UNC13C: variants seen among roughly 807,000 people sequenced by gnomAD.
UNC13C encodes the protein unc-13 homolog C.
A neutral mutation model predicts 245.4 loss-of-function variants in UNC13C; 174 were observed. The observed-to-expected ratio is 0.71, with a 90% CI of 0.63 to 0.80. The LOEUF (loss-of-function observed/expected upper bound fraction) is 0.80, where lower values mean the gene tolerates loss of function less well. Ranked by LOEUF, UNC13C falls within the 30% of genes least tolerant of loss-of-function variation. The pLI, the probability that UNC13C is intolerant of heterozygous loss-of-function variation, is 0.00. For synonymous variants in UNC13C, 992 were observed against 895.1 expected, an observed-to-expected ratio of 1.11 and a Z score of -1.93; for missense variants, 2,829 against 2,602.9, an observed-to-expected ratio of 1.09 and a Z score of -1.89.
At chr15:54,589,611 C>A (rs1296550911) in intron 30 of UNC13C, among the ~76,000 whole-genome samples, 1 of 151,958 alleles carries the variant, frequency 6.6e-6, no homozygotes, top group East Asian at 1.9e-4. Context: ...ATTTGTGTAT[C>A]TTCTTTTGAG....
chr15:54,544,335 A>T (rs1596543062), intron 26 of UNC13C, among the ~76,000 whole-genome samples: 1 of 152,160 alleles, frequency 6.6e-6, no homozygotes, highest in Non-Finnish European at 1.5e-5. Flanking sequence ...CCCACAGCCA[A>T]TATCATACTG....
intron 4 of UNC13C, among the ~76,000 whole-genome samples, chr15:54,184,347 A>G (rs1247699136): frequency 6.6e-6 from 1 of 151,942 alleles, no homozygotes; most frequent in Non-Finnish European, 1.5e-5. Context: ...TACATGTGCC[A>G]TGTTGGTGTG....
chr15:54,607,851 C>A (rs1596664894), intron 30 of UNC13C, among the ~76,000 whole-genome samples: 1 of 152,160 alleles, frequency 6.6e-6, no homozygotes, highest in Non-Finnish European at 1.5e-5. Flanking sequence ...GATCCAATCA[C>A]CTCCCACCCG....
intron 27 of UNC13C, 92 bp downstream of exon 27, chr15:54,546,937 C>A: frequency 8.6e-7 from 1 of 1,164,002 alleles, no homozygotes; most frequent in Non-Finnish European, 1.2e-6. Flanking sequence ...CTAATTAAAT[C>A]CCTTTGGGGA....
intron 11 of UNC13C, among the ~76,000 whole-genome samples, chr15:54,297,521 T>TA (rs59007114): frequency 0.025 from 3,662 of 146,476 alleles, 78 homozygotes; most frequent in East Asian, 0.077. Context: ...CCTGCCTAAT[T>TA]AAAAAAAAAA....
At chr15:54,610,994 G>T (rs1488994331) in intron 30 of UNC13C, among the ~76,000 whole-genome samples, 2 of 152,072 alleles carry the variant, frequency 1.3e-5, no homozygotes, top group African/African-American at 4.8e-5. Context: ...TTTAATCTTG[G>T]CATAACTTCG....
At chr15:54,152,368 G>A (rs2032559009) in intron 4 of UNC13C, among the ~76,000 whole-genome samples, 1 of 152,090 alleles carries the variant, frequency 6.6e-6, no homozygotes, top group African/African-American at 2.4e-5. Context: ...GTATTGTATT[G>A]AAACACATTT....
intron 24 of UNC13C, among the ~76,000 whole-genome samples, chr15:54,517,350 C>A (rs770866843): frequency 3.9e-5 from 6 of 152,098 alleles, no homozygotes; most frequent in Non-Finnish European, 7.4e-5. Flanking sequence ...AAAAGTTCTT[C>A]GTATTTAGTT....
the UNC13C span, among the ~76,000 whole-genome samples, chr15:53,960,027 G>A: frequency 2.0e-5 from 3 of 152,258 alleles, no homozygotes; most frequent in East Asian, 5.8e-4. Context: ...ACAGTTTACA[G>A]TTAAAAATAA....
intron 18 of UNC13C, among the ~76,000 whole-genome samples, chr15:54,408,693 A>T (rs1017601694): frequency 6.6e-6 from 1 of 152,124 alleles, no homozygotes; most frequent in African/African-American, 2.4e-5. Context: ...TGACTCCCCA[A>T]CCTAAGCTTT....
At chr15:54,022,839 C>A (rs1340402301) in intron 2 of UNC13C, among the ~76,000 whole-genome samples, 1 of 152,246 alleles carries the variant, frequency 6.6e-6, no homozygotes, top group East Asian at 1.9e-4. Flanking sequence ...TGGCCAAGGG[C>A]CCCTAGAAGC....
intron 4 of UNC13C, among the ~76,000 whole-genome samples, chr15:54,208,293 C>A (rs182131624): frequency 6.6e-6 from 1 of 152,210 alleles, no homozygotes; most frequent in Admixed American, 6.5e-5. Flanking sequence ...AAGGCCCCAC[C>A]TCCAACACTG....
At chr15:54,154,303 T>A (rs2032649556) in intron 4 of UNC13C, among the ~76,000 whole-genome samples, 2 of 152,120 alleles carry the variant, frequency 1.3e-5, no homozygotes, top group Admixed American at 1.3e-4. Context: ...ATTTTAGCAA[T>A]ATTACATTTT....
intron 17 of UNC13C, among the ~76,000 whole-genome samples, chr15:54,356,369 T>G (rs2039095348): frequency 6.6e-6 from 1 of 152,192 alleles, no homozygotes; most frequent in Non-Finnish European, 1.5e-5. Context: ...GTGTTTTTTT[T>G]TTCCATACCT....
chr15:54,025,738 T>C (rs1022525893), intron 2 of UNC13C, among the ~76,000 whole-genome samples: 1 of 152,170 alleles, frequency 6.6e-6, no homozygotes, highest in African/African-American at 2.4e-5. Context: ...CAAGCTATTT[T>C]CCCAAATCAT....
chr15:54,280,783 C>T (rs866489313), intron 10 of UNC13C, among the ~76,000 whole-genome samples: 8 of 141,034 alleles, frequency 5.7e-5, no homozygotes, highest in African/African-American at 1.6e-4. Flanking sequence ...TATATATATA[C>T]ACATATATAT....
chr15:54,549,669 T>C lies in UNC13C; in HGVS notation c.5855T>C (p.Leu1952Pro), dbSNP rs866558161. ...ATGATTTTCATTGCAGCTAAAGATC[T>C]TGGACAATTATCCAAACTGAAGGTA... The part of the protein sequence containing the change: ...PQMIFIAAKD[L>P]GQLSKLKEHM... The change falls in exon 28 of 33, where the codon CTT becomes CCT. Residue 1952 changes from leucine (L) to proline (P), a missense_variant. Physicochemically the swap from Leu to Pro is moderately conservative, Grantham distance 98. Transcript: ENST00000260323. 6.2e-7 allele frequency: 1 copy of C among 1,603,496 alleles called. No individual in the cohort carries two copies. The highest frequency in any genetic ancestry group is 8.5e-7 in the Non-Finnish European group (1 of 1,175,766).
intron 17 of UNC13C, among the ~76,000 whole-genome samples, chr15:54,341,821 A>G (rs980798713): frequency 5.9e-5 from 9 of 152,054 alleles, no homozygotes; most frequent in African/African-American, 2.2e-4. Context: ...CTAAAAATAC[A>G]AAAAATTAAC....
the UNC13C span, among the ~76,000 whole-genome samples, chr15:53,968,966 T>C: frequency 6.6e-6 from 1 of 152,206 alleles, no homozygotes; most frequent in African/African-American, 2.4e-5. Flanking sequence ...CCTATCTTTT[T>C]GAATTTTATC....
Sources: gnomAD v4.1 joint callset for allele counts (sites outside exome capture counted in the v4.1 genomes callset) on GRCh38, gnomAD v4.1.1 for gene constraint, MANE v1.5 for transcripts, NCBI Gene and HGNC (gene_info 2026-07-23, HGNC 2026-07-21) for gene names.